NCOA2: variants seen among roughly 807,000 people sequenced by gnomAD.
NCOA2 encodes nuclear receptor coactivator 2.
Under a neutral mutation model 145.1 loss-of-function variants are expected in NCOA2, and 21 were observed. The ratio of observed to expected loss-of-function variants is 0.14; its 90% CI spans 0.10 to 0.21. NCOA2 has a LOEUF of 0.21. NCOA2 is among the 10% of genes least tolerant of loss of function. The probability of loss-of-function intolerance (pLI) is 1.00; values close to 1 mark genes in which losing one functional copy is unlikely to be tolerated. For missense variants in NCOA2, 1,472 were observed against 1,837.6 expected, an observed-to-expected ratio of 0.80 and a Z score of 3.64; for synonymous variants, 619 against 637.5, an observed-to-expected ratio of 0.97 and a Z score of 0.44.
Position 70,113,449 on chromosome 8 carries a change from A to G in NCOA2, c.*183T>C. On this transcript the variant is annotated 3_prime_UTR_variant, in exon 23 of 23. Transcript: ENST00000452400. ...GCGAGCTTCAGACTGTCAAGAGAAG[A>G]GGCAGCTCCTCCTGCCACAGCCGAG... The G allele has an allele frequency of 1.6e-6, 1 of 624,240 alleles. No homozygotes were observed. Among genetic ancestry groups the G allele is most frequent in the Non-Finnish European group, 2.8e-6 (1 of 352,002 alleles). 38.7% of individuals were successfully genotyped at this position (624,240 alleles called of 1,614,324 possible).
At position 70,376,395 on chromosome 8, in the gene NCOA2, G is replaced by A. The variant is rs559681679; in HGVS notation, c.-77+27305C>T. Reference sequence around the variant, plus strand: ...CACACACACACACACACACACAAACGTGTGTATGCACCTACCTTCATACTT... The same window carrying A: ...CACACACACACACACACACACAAACATGTGTATGCACCTACCTTCATACTT... On this transcript the variant is annotated intron_variant, in intron 1 of 22. Transcript: ENST00000452400. 1.4e-4 allele frequency among the ~76,000 whole-genome samples: 21 copies of A among 151,374 alleles called. 1 individual carries two copies. The highest frequency in any genetic ancestry group is 3.9e-4 in the East Asian group (2 of 5,164).
At chr8:70,244,541 G>A (rs746308233) in intron 2 of NCOA2, among the ~76,000 whole-genome samples, 1 of 151,852 alleles carries the variant, frequency 6.6e-6, no homozygotes, top group Non-Finnish European at 1.5e-5. Context: ...AAAAATAAAA[G>A]CTGTACTTAT....
At chr8:70,124,357 T>C (rs529550207) in intron 20 of NCOA2, among the ~76,000 whole-genome samples, 5 of 151,334 alleles carry the variant, frequency 3.3e-5, no homozygotes, top group Admixed American at 3.3e-4. Context: ...TTTCTTTCTT[T>C]CTGTTTTTTT....
chr8:70,342,787 A>C (rs1247029104), intron 1 of NCOA2, among the ~76,000 whole-genome samples: 8 of 137,048 alleles, frequency 5.8e-5, no homozygotes, highest in Non-Finnish European at 8.2e-5. Flanking sequence ...ACACACACAC[A>C]CACACACACA....
chr8:70,292,383 C>A (rs1826762368), intron 2 of NCOA2, among the ~76,000 whole-genome samples: 3 of 151,850 alleles, frequency 2.0e-5, no homozygotes. Flanking sequence ...GATCTCTTGA[C>A]CTCGTGATCT....
intron 2 of NCOA2, among the ~76,000 whole-genome samples, chr8:70,279,771 T>G (rs1292499815): frequency 6.6e-6 from 1 of 152,206 alleles, no homozygotes; most frequent in Non-Finnish European, 1.5e-5. Flanking sequence ...TGAGAGGGGA[T>G]TGTTGACTGT....
At chr8:70,327,893 C>T (rs933163738) in intron 1 of NCOA2, among the ~76,000 whole-genome samples, 1 of 152,174 alleles carries the variant, frequency 6.6e-6, no homozygotes, top group Non-Finnish European at 1.5e-5. Flanking sequence ...AGCATTTTAA[C>T]GAACCAGCTA....
At chr8:70,237,317 T>C (rs139259883) in intron 2 of NCOA2, among the ~76,000 whole-genome samples, 1,686 of 152,320 alleles carry the variant, frequency 0.011, 14 homozygotes, top group Middle Eastern at 0.02. Flanking sequence ...ACTCTAAGCC[T>C]GTACTCTTTA....
chr8:70,268,162 C>G (rs1224146318), intron 2 of NCOA2, among the ~76,000 whole-genome samples: 1 of 152,154 alleles, frequency 6.6e-6, no homozygotes, highest in Non-Finnish European at 1.5e-5. Flanking sequence ...TCATTTGGAG[C>G]TCATTTTTTA....
chr8:70,254,992 C>T (rs1024839976), intron 2 of NCOA2, among the ~76,000 whole-genome samples: 4 of 152,096 alleles, frequency 2.6e-5, no homozygotes, highest in Admixed American at 2.6e-4. Flanking sequence ...AAAGAGTATT[C>T]TTTGTCAGCT....
chr8:70,324,435 G>A (rs912063144), intron 1 of NCOA2, among the ~76,000 whole-genome samples: 3 of 152,040 alleles, frequency 2.0e-5, no homozygotes, highest in Non-Finnish European at 2.9e-5. Flanking sequence ...CTTATTGGGC[G>A]CAAGTGATCC....
intron 2 of NCOA2, among the ~76,000 whole-genome samples, chr8:70,252,652 C>T (rs2958367): frequency 0.76 from 115,486 of 152,042 alleles, 44,965 homozygotes; most frequent in Non-Finnish European, 0.84. Context: ...AGAAACCTGG[C>T]TCCTCAATGC....
chr8:70,402,625 C>G (rs1283119428), intron 1 of NCOA2: 1 of 151,928 alleles, frequency 6.6e-6, no homozygotes, highest in Admixed American at 6.5e-5. Context: ...GCCGGGTCCC[C>G]GTGCCCGGGG....
intron 1 of NCOA2, among the ~76,000 whole-genome samples, chr8:70,309,120 G>A (rs1292126455): frequency 6.6e-6 from 1 of 152,132 alleles, no homozygotes; most frequent in African/African-American, 2.4e-5. Flanking sequence ...AGCTGGCCAT[G>A]TGGAAAAGCC....
chr8:70,233,320 T>A (rs1821317218), intron 2 of NCOA2, among the ~76,000 whole-genome samples: 1 of 152,240 alleles, frequency 6.6e-6, no homozygotes, highest in South Asian at 2.1e-4. Flanking sequence ...GTATTATTTC[T>A]GCAGTGAAAT....
intron 1 of NCOA2, among the ~76,000 whole-genome samples, chr8:70,376,067 T>C (rs772721015): frequency 1.1e-4 from 16 of 152,144 alleles, no homozygotes; most frequent in Non-Finnish European, 1.9e-4. Flanking sequence ...CCTCAGTCCA[T>C]AGGAACACTG....
At chr8:70,315,725 G>T (rs1805531852) in intron 1 of NCOA2, among the ~76,000 whole-genome samples, 2 of 152,240 alleles carry the variant, frequency 1.3e-5, no homozygotes, top group Non-Finnish European at 2.9e-5. Context: ...GCAGGAGGCA[G>T]GAGGAAGGCA....
chr8:70,166,732 G>A lies in NCOA2; in HGVS notation c.564C>T (p.Gly188=), dbSNP rs574653995. The change falls in exon 7 of 23, where the codon GGC becomes GGT. Residue 188 remains glycine, a synonymous_variant. Transcript: ENST00000452400. ...KSIVNGGSWS[G]EPPRRNSHTF... ...TATGGCTGTTCCGCCTCGGAGGTTC[G>A]CCAGACCAAGATCCCCCATTTACTG... is the stretch of plus-strand genomic sequence containing the variant. The A allele has an allele frequency of 2.9e-5, 47 of 1,613,806 alleles. No homozygotes were observed. Among genetic ancestry groups the A allele is most frequent in the South Asian group, 2.7e-4 (25 of 91,064 alleles).
chr8:70,166,962 A>AT (rs975331490), intron 6 of NCOA2, among the ~76,000 whole-genome samples: 4 of 151,126 alleles, frequency 2.6e-5, no homozygotes, highest in Non-Finnish European at 4.4e-5. Context: ...CTTTTTTCCA[A>AT]TTTTTTTTTC....
Sources: gnomAD v4.1 joint callset for allele counts (sites outside exome capture counted in the v4.1 genomes callset) on GRCh38, gnomAD v4.1.1 for gene constraint, MANE v1.5 for transcripts, NCBI Gene and HGNC (gene_info 2026-07-23, HGNC 2026-07-21) for gene names.